The following UBE2H variants were observed in gnomAD, a reference collection of about 807,000 sequenced individuals.
UBE2H encodes ubiquitin-conjugating enzyme E2 H.
Under a neutral mutation model 29.0 loss-of-function variants are expected in UBE2H, and 3 were observed. That is an observed-to-expected ratio of 0.10 (90% confidence interval 0.05 to 0.27). The LOEUF (loss-of-function observed/expected upper bound fraction) is 0.27. UBE2H is among the 10% of genes least tolerant of loss of function. UBE2H has a pLI of 1.00. For synonymous variants in UBE2H, 69 were observed against 82.9 expected (o/e 0.83, Z 0.91); for missense variants, 68 against 228.2 (o/e 0.30, Z 4.52).
At chr7:129,950,595 ATT>A (rs1807854506) in intron 1 of UBE2H, among the ~76,000 whole-genome samples, 1 of 152,198 alleles carries the variant, frequency 6.6e-6, no homozygotes, top group Non-Finnish European at 1.5e-5. Flanking sequence ...TATGTACATA[ATT>A]TGAGACTCTG....
At chr7:129,877,925 T>C (rs1481215822) in intron 3 of UBE2H, among the ~76,000 whole-genome samples, 1 of 152,224 alleles carries the variant, frequency 6.6e-6, no homozygotes, top group Non-Finnish European at 1.5e-5. Flanking sequence ...TGACTAGGAA[T>C]GTGGGGTTAA....
intron 1 of UBE2H, among the ~76,000 whole-genome samples, chr7:129,937,265 C>T (rs1395965623): frequency 6.7e-6 from 1 of 150,360 alleles, no homozygotes; most frequent in Non-Finnish European, 1.5e-5. Context: ...GGAGGCAGAG[C>T]TTGCAGTGAG....
At position 129,935,210 on chromosome 7, in the gene UBE2H, G is replaced by A. The variant is rs1807502260; in HGVS notation, c.53+17293C>T. Among the ~76,000 whole-genome samples the A allele has an allele frequency of 2.0e-5, 3 of 151,664 alleles. No homozygotes were observed. In the South Asian group the frequency reaches 6.2e-4, roughly 32 times the overall value. The stretch of plus-strand genomic sequence containing the variant: ...GAGGCTGAGGTGGGCAGATCACGAG[G>A]TCAGGAGTTCAAGACCAACATGGTG... On this transcript the variant is annotated intron_variant, in intron 1 of 6. Transcript: ENST00000355621.
In UBE2H at chr7:129,855,018, T is replaced by C. The variant is rs576070157; in HGVS notation, c.298+2493A>G. Among the ~76,000 whole-genome samples, 34 of 152,328 alleles carry C rather than the reference T, an allele frequency of 2.2e-4. 1 individual carries two copies. The highest frequency in any genetic ancestry group is 2.0e-4 in the Admixed American group (3 of 15,300). On this transcript the variant is annotated intron_variant, in intron 5 of 6. Transcript: ENST00000355621. ...ACAGAAACAAAAAGCAGATTCGTGGTTGCCTAGGGCGAATAGTTAAAGGGT... is the reference window on the plus strand; with the variant it reads ...ACAGAAACAAAAAGCAGATTCGTGGCTGCCTAGGGCGAATAGTTAAAGGGT...
At chr7:129,854,888 C>T (rs950328214) in intron 5 of UBE2H, among the ~76,000 whole-genome samples, 5 of 151,702 alleles carry the variant, frequency 3.3e-5, no homozygotes, top group Admixed American at 2.6e-4. Flanking sequence ...ACATGCAACA[C>T]GGATCAACCT....
chr7:129,936,804 GAAA>G (rs1171897255), intron 1 of UBE2H, among the ~76,000 whole-genome samples: 27 of 78,014 alleles, frequency 3.5e-4, no homozygotes, highest in African/African-American at 1.2e-3. Context: ...TCTCTACTAG[GAAA>G]AAAAAAAAAA....
chr7:129,876,205 G>C (rs1050054339), intron 3 of UBE2H, among the ~76,000 whole-genome samples: 9 of 152,176 alleles, frequency 5.9e-5, no homozygotes, highest in African/African-American at 1.4e-4. Flanking sequence ...CAAACATGCA[G>C]AATCTGTTTA....
chr7:129,945,897 C>A (rs1807751452), intron 1 of UBE2H, among the ~76,000 whole-genome samples: 1 of 152,196 alleles, frequency 6.6e-6, no homozygotes. Context: ...AGGCATGCGC[C>A]ACCACGCCCA....
chr7:129,942,212 CAAAAA>C (rs966117564), intron 1 of UBE2H, among the ~76,000 whole-genome samples: 2 of 36,754 alleles, frequency 5.4e-5, no homozygotes, highest in East Asian at 8.1e-4. Context: ...GACTCGGTCT[CAAAAA>C]AAAAAAAAAA....
chr7:129,925,496 C>T (rs559890346), intron 1 of UBE2H, among the ~76,000 whole-genome samples: 1 of 152,090 alleles, frequency 6.6e-6, no homozygotes, highest in Non-Finnish European at 1.5e-5. Context: ...AAGAAAAAAG[C>T]GAAACAACAT....
At chr7:129,891,536 G>A (rs902438774) in intron 1 of UBE2H, among the ~76,000 whole-genome samples, 1 of 152,152 alleles carries the variant, frequency 6.6e-6, no homozygotes, top group Non-Finnish European at 1.5e-5. Flanking sequence ...GGGCATGGTA[G>A]CTCACGCCTA....
intron 1 of UBE2H, among the ~76,000 whole-genome samples, chr7:129,917,956 C>T (rs1807077045): frequency 1.3e-5 from 2 of 152,186 alleles, no homozygotes; most frequent in African/African-American, 4.8e-5. Context: ...ATCAAGTATG[C>T]ACACGCGAAT....
intron 6 of UBE2H, among the ~76,000 whole-genome samples, chr7:129,838,081 T>A (rs1310217379): frequency 6.6e-6 from 1 of 152,252 alleles, no homozygotes; most frequent in African/African-American, 2.4e-5. Flanking sequence ...CAGCACTTTA[T>A]CTGGCTGAAA....
chr7:129,877,005 T>C (rs1806157047), intron 3 of UBE2H, among the ~76,000 whole-genome samples: 1 of 152,190 alleles, frequency 6.6e-6, no homozygotes, highest in Non-Finnish European at 1.5e-5. Context: ...TTAAAGAGCA[T>C]ATTCCAGAAT....
At chr7:129,940,228 A>C (rs1035424642) in intron 1 of UBE2H, among the ~76,000 whole-genome samples, 6 of 152,224 alleles carry the variant, frequency 3.9e-5, no homozygotes, top group African/African-American at 1.4e-4. Context: ...TAAAAAGGAA[A>C]TGCATAATTC....
chr7:129,917,131 T>C lies in UBE2H; in HGVS notation c.53+35372A>G, dbSNP rs1453556039. Among the ~76,000 whole-genome samples the C allele has an allele frequency of 7.9e-5, 12 of 151,830 alleles. No homozygotes were observed. The South Asian group carries it at 2.3e-3, about 29-fold the overall frequency. ...ATTGCTTGAACCTGGGAGGTGGAAGTTGCAGTGAGCCGAGATCGTGCCACT... is the reference window on the plus strand; with the variant it reads ...ATTGCTTGAACCTGGGAGGTGGAAGCTGCAGTGAGCCGAGATCGTGCCACT... On this transcript the variant is annotated intron_variant, in intron 1 of 6. Transcript: ENST00000355621.
chr7:129,928,901 A>C (rs1469685345), intron 1 of UBE2H, among the ~76,000 whole-genome samples: 1 of 152,254 alleles, frequency 6.6e-6, no homozygotes, highest in Non-Finnish European at 1.5e-5. Context: ...GTTTTAAAAG[A>C]CTTGAATTCT....
At chr7:129,945,625 G>C in intron 1 of UBE2H, among the ~76,000 whole-genome samples, 1 of 151,996 alleles carries the variant, frequency 6.6e-6, no homozygotes, top group East Asian at 1.9e-4. Flanking sequence ...CGGGAAAACA[G>C]AAATAACCCA....
intron 1 of UBE2H, among the ~76,000 whole-genome samples, chr7:129,936,801 T>A (rs1217181005): frequency 6.3e-5 from 6 of 94,806 alleles, no homozygotes; most frequent in African/African-American, 1.4e-4. Flanking sequence ...CCGTCTCTAC[T>A]AGGAAAAAAA....
Sources: allele counts gnomAD v4.1 joint callset (sites outside exome capture counted in the v4.1 genomes callset), GRCh38; gene constraint gnomAD v4.1.1; transcripts MANE v1.5; gene names NCBI Gene and HGNC (gene_info 2026-07-23, HGNC 2026-07-21).